The following PRPF19 variants were observed in gnomAD, a reference collection of about 807,000 sequenced individuals.
PRPF19 encodes the protein pre-mRNA processing factor 19, also known as pre-mRNA-processing factor 19.
In PRPF19, 2 loss-of-function variants were observed where a neutral mutation model predicts 64.2. That is an observed-to-expected ratio of 0.03 (90% CI 0.01 to 0.10). The LOEUF (loss-of-function observed/expected upper bound fraction) is 0.10. Ranked by LOEUF, PRPF19 falls within the 10% of genes least tolerant of loss-of-function variation. PRPF19 has a pLI of 1.00. For missense variants in PRPF19, 314 were observed against 650.0 expected, an observed-to-expected ratio of 0.48 and a Z score of 5.62; for synonymous variants, 226 against 251.6, an observed-to-expected ratio of 0.90 and a Z score of 0.96.
In PRPF19 at chr11:60,906,498, G is replaced by C. The variant is rs1433845926; in HGVS notation, c.-116C>G. 1.1e-5 allele frequency: 13 copies of C among 1,172,144 alleles called. No homozygotes were observed. Among genetic ancestry groups the C allele is most frequent in the Non-Finnish European group, 1.6e-5 (13 of 834,260 alleles). The allele number at this position is 1,172,144 out of a possible 1,614,324, so 72.6% of individuals were successfully genotyped here. A position where few individuals can be genotyped will look rare whatever the true frequency, so the allele number is the denominator to read the frequency against. On this transcript the variant is annotated 5_prime_UTR_variant, in exon 1 of 16. Transcript: ENST00000227524. ...CCGGGACTGCTCCGCGGCGAGCTGG[G>C]AGCCGCCAGCCGAGCGATGCTAGCG...
In PRPF19 at chr11:60,906,440, C is replaced by G; in HGVS notation, c.-58G>C. On this transcript the variant is annotated 5_prime_UTR_variant, in exon 1 of 16. Transcript: ENST00000227524. ...CCGGGCTCCGGGACTAGCTTCTGAG[C>G]CTCCGCGAGCCACTTCCGGTCCCCC... 6.7e-7 allele frequency: 1 copy of G among 1,484,120 alleles called. No individual in the cohort carries two copies. Among genetic ancestry groups the G allele is most frequent in the Non-Finnish European group, 9.0e-7 (1 of 1,110,834 alleles). 91.9% of individuals were successfully genotyped at this position (1,484,120 alleles called of 1,614,324 possible).
At chr11:60,896,864 A>G (rs1855927759) in intron 15 of PRPF19, among the ~76,000 whole-genome samples, 1 of 152,206 alleles carries the variant, frequency 6.6e-6, no homozygotes, top group Non-Finnish European at 1.5e-5. Context: ...TTATAGAACA[A>G]GGATGTAAAG....
At position 60,902,518 on chromosome 11, in the gene PRPF19, A is replaced by C. The variant is rs910117631; in HGVS notation, c.463-53T>G. ...GGCACAGAGCACCAAAGACACCTGC[A>C]TAAGGACAGTTCTGTGGGCCACTGT... On this transcript the variant is annotated intron_variant, in intron 5 of 15. Transcript: ENST00000227524. The surrounding 1 kb of genome is among the most constrained non-coding windows in gnomAD (Gnocchi z 5.0). 1 of 1,607,500 alleles carries C rather than the reference A, an allele frequency of 6.2e-7. No individual in the cohort carries two copies. The highest frequency in any genetic ancestry group is 8.5e-7 in the Non-Finnish European group (1 of 1,173,886).
chr11:60,898,108 T>C lies in PRPF19; in HGVS notation c.1304A>G (p.Asn435Ser). 2 of 1,614,066 alleles carry C rather than the reference T, an allele frequency of 1.2e-6. No individual in the cohort carries two copies. Among genetic ancestry groups the C allele is most frequent in the Non-Finnish European group, 1.7e-6 (2 of 1,179,968 alleles). The change falls in exon 14 of 16, where the codon AAC (asparagine) becomes AGC (serine). Residue 435 changes from asparagine (N) to serine (S), a missense_variant. Coordinates refer to ENST00000227524, the MANE Select transcript of PRPF19 (RefSeq NM_014502.5). This position sits in a 1 kb window ranked among gnomAD's most constrained non-coding sequence, Gnocchi z 4.6. ...KNFKTLQLDN[N>S]FEVKSLIFDQ... is the part of the protein sequence containing the mutation. The stretch of plus-strand genomic sequence containing the variant: ...GGAGGGGGAAGGGCACACCTCAAAG[T>C]TGTTATCCAGCTGCAAAGTCTTAAA...
At position 60,902,326 on chromosome 11, in the gene PRPF19, T is replaced by C; in HGVS notation, c.525+77A>G. On this transcript the variant is annotated intron_variant, in intron 6 of 15. Coordinates refer to ENST00000227524, the MANE Select transcript of PRPF19 (RefSeq NM_014502.5). The surrounding 1 kb of genome is among the most constrained non-coding windows in gnomAD (Gnocchi z 5.0). ...TCAACTCCCAAAAGCACAGTGATTT[T>C]AGTCACGATGGACTCCAGACAGATG... is the stretch of plus-strand genomic sequence containing the variant. The C allele has an allele frequency of 2.0e-6, 3 of 1,493,900 alleles. No individual in the cohort carries two copies. Among genetic ancestry groups the C allele is most frequent in the Non-Finnish European group, 2.8e-6 (3 of 1,076,460 alleles). 92.5% of individuals were successfully genotyped at this position (1,493,900 alleles called of 1,614,324 possible).
At chr11:60,905,298 G>A (rs1856033094) in intron 1 of PRPF19, 1 of 152,254 alleles carries the variant, frequency 6.6e-6, no homozygotes, top group Admixed American at 6.5e-5. Flanking sequence ...TGCCAGGAAG[G>A]ATGGTGCTGG....
rs1329949057 is a variant in PRPF19 at position 60,891,140 on chromosome 11, C to A, written c.*26G>T. 1 of 1,366,318 alleles carries A rather than the reference C, an allele frequency of 7.3e-7. No homozygotes were observed. The highest frequency in any genetic ancestry group is 1.0e-6 in the Non-Finnish European group (1 of 1,001,022). The allele number at this position is 1,366,318 out of a possible 1,614,324, so 84.6% of individuals were successfully genotyped here. A position where few individuals can be genotyped will look rare whatever the true frequency, so the allele number is the denominator to read the frequency against. On this transcript the variant is annotated 3_prime_UTR_variant, in exon 16 of 16. Transcript: ENST00000227524. ...TTCTACCCCTCTACTGAGATGAGGC[C>A]CAGCTTCCATCAGAAGGGCCAGGGC...
At chr11:60,903,347 G>A (rs1856006489) in intron 3 of PRPF19, 112 bp downstream of exon 3, 3 of 1,159,436 alleles carry the variant, frequency 2.6e-6, no homozygotes, top group African/African-American at 3.1e-5. Flanking sequence ...AATCCCTGAT[G>A]TCACAAAGTT....
At chr11:60,900,510 G>A (rs990971704) in intron 10 of PRPF19, 72 bp downstream of exon 10, 2 of 1,225,892 alleles carry the variant, frequency 1.6e-6, no homozygotes, top group East Asian at 2.6e-5. Context: ...ACTTCACAGA[G>A]ACAGCAGCGG....
intron 6 of PRPF19, among the ~76,000 whole-genome samples, chr11:60,901,793 G>A (rs1855986739): frequency 6.6e-6 from 1 of 152,190 alleles, no homozygotes; most frequent in Non-Finnish European, 1.5e-5. Context: ...GGTCGCAGAG[G>A]TGATAAACAG....
Position 60,898,078 on chromosome 11 carries a change from T to TGGGCGGAGGGGGAA in PRPF19, c.1311+9_1311+22dup. On this transcript the variant is annotated intron_variant, in intron 14 of 15. Coordinates refer to ENST00000227524, the MANE Select transcript of PRPF19 (RefSeq NM_014502.5). This position sits in a 1 kb window ranked among gnomAD's most constrained non-coding sequence, Gnocchi z 4.6. ...CAAACAAGGAGACACAATGGAAAGC[T>TGGGCGGAGGGGGAA]GGGCGGAGGGGGAAGGGCACACCTC... The TGGGCGGAGGGGGAA allele has an allele frequency of 1.2e-6, 2 of 1,610,636 alleles. No individual in the cohort carries two copies. Among genetic ancestry groups the TGGGCGGAGGGGGAA allele is most frequent in the Non-Finnish European group, 1.7e-6 (2 of 1,177,788 alleles).
rs183133538 is a variant in PRPF19, at chr11:60,897,553, C to G, written c.1417+293G>C. 6 of 281,592 alleles carry G rather than the reference C, an allele frequency of 2.1e-5. No homozygotes were observed. The East Asian group carries it at 2.3e-4, about 11-fold the overall frequency. 17.4% of individuals were successfully genotyped at this position (281,592 alleles called of 1,614,324 possible). A position where few individuals can be genotyped will look rare whatever the true frequency, so the allele number is the denominator to read the frequency against. ...AATTAAAATGGCTCTCCTCCTGTCA[C>G]TGTCTAATGTTCATTTATTTTAGAT... On this transcript the variant is annotated intron_variant, in intron 15 of 15. Coordinates refer to ENST00000227524, the MANE Select transcript of PRPF19 (RefSeq NM_014502.5).
rs1259540390 is a variant in PRPF19 at position 60,890,793 on chromosome 11, G to C, written c.*373C>G. ...TACAAAACCCTGCACAAGCCCTCCT[G>C]CCCATCCCCTTCACAGTTCCCTTGG... On this transcript the variant is annotated 3_prime_UTR_variant, in exon 16 of 16. Transcript: ENST00000227524. The C allele has an allele frequency of 2.1e-6, 1 of 467,920 alleles. No homozygotes were observed. Among genetic ancestry groups the C allele is most frequent in the Non-Finnish European group, 4.3e-6 (1 of 234,998 alleles). The allele number at this position is 467,920 out of a possible 1,614,324, so 29.0% of individuals were successfully genotyped here. A position where few individuals can be genotyped will look rare whatever the true frequency, so the allele number is the denominator to read the frequency against.
chr11:60,905,229 C>G (rs954995025), intron 1 of PRPF19: 1 of 152,202 alleles, frequency 6.6e-6, no homozygotes, highest in Non-Finnish European at 1.5e-5. Context: ...TCTCTCACTT[C>G]CAGTACAATG....
chr11:60,898,345 C>T lies in PRPF19; in HGVS notation c.1141-74G>A. On this transcript the variant is annotated intron_variant, in intron 13 of 15. Transcript: ENST00000227524. The surrounding 1 kb of genome is among the most constrained non-coding windows in gnomAD (Gnocchi z 4.6). ...GAAGAAAATGGGGCTCACCAAACTC[C>T]TACCTGAGATGTCCCTCACGTCCTT... The T allele has an allele frequency of 6.4e-7, 1 of 1,561,882 alleles. No individual in the cohort carries two copies. The highest frequency in any genetic ancestry group is 8.7e-7 in the Non-Finnish European group (1 of 1,151,710).
chr11:60,897,795 T>C, intron 15 of PRPF19, 51 bp downstream of exon 15: 1 of 1,516,888 alleles, frequency 6.6e-7, no homozygotes, highest in Non-Finnish European at 9.1e-7. Flanking sequence ...GAGGCTTCCC[T>C]CCGGGCCTGG....
At position 60,903,698 on chromosome 11, in the gene PRPF19, C is replaced by T; in HGVS notation, c.169+14G>A. ...GAGCTAAGATGGCCCTAGACTAAGG[C>T]AGCCAATAGGCACCTTTGATGTCGA... On this transcript the variant is annotated intron_variant, in intron 2 of 15. Transcript: ENST00000227524. 1 of 1,585,972 alleles carries T rather than the reference C, an allele frequency of 6.3e-7. No individual in the cohort carries two copies. The highest frequency in any genetic ancestry group is 2.2e-5 in the East Asian group (1 of 44,592).
Position 60,898,963 on chromosome 11 carries a change from T to A in PRPF19, c.985-32A>T. 1.9e-6 allele frequency: 3 copies of A among 1,559,316 alleles called. No individual in the cohort carries two copies. The South Asian group carries it at 3.5e-5, about 18-fold the overall frequency. On this transcript the variant is annotated intron_variant, in intron 11 of 15. Transcript: ENST00000227524. This position sits in a 1 kb window ranked among gnomAD's most constrained non-coding sequence, Gnocchi z 4.6. ...AAAAAAAAAGAGACAATGGAGTCAG[T>A]GAGAAAGTGGGTCCCAGGTTCTGGT... is the stretch of plus-strand genomic sequence containing the variant.
chr11:60,902,967 CTCCTATCCCAGA>C lies in PRPF19; in HGVS notation c.247-98_247-87del. On this transcript the variant is annotated intron_variant, in intron 3 of 15. Coordinates refer to ENST00000227524, the MANE Select transcript of PRPF19 (RefSeq NM_014502.5). This position sits in a 1 kb window ranked among gnomAD's most constrained non-coding sequence, Gnocchi z 5.0. ...TCAGCCCTTGGGGAGGGGATGCTGC[CTCCTATCCCAGA>C]GCCTAGACCAGTATCAGTGACCCAA... is the stretch of plus-strand genomic sequence containing the variant. The C allele has an allele frequency of 6.5e-7, 1 of 1,542,600 alleles. No homozygotes were observed. The highest frequency in any genetic ancestry group is 1.2e-5 in the South Asian group (1 of 83,334).
Sources: allele counts gnomAD v4.1 joint callset (sites outside exome capture counted in the v4.1 genomes callset), GRCh38; gene constraint gnomAD v4.1.1; non-coding constraint Gnocchi (gnomAD v3.1); transcripts MANE v1.5; gene names NCBI Gene and HGNC (gene_info 2026-07-23, HGNC 2026-07-21).